KAT7: variants seen among roughly 807,000 people sequenced by gnomAD.
The protein encoded by KAT7 is histone acetyltransferase KAT7.
A neutral mutation model predicts 82.1 loss-of-function variants in KAT7; 10 were observed. The ratio of observed to expected loss-of-function variants is 0.12; its 90% CI spans 0.08 to 0.21. The LOEUF (loss-of-function observed/expected upper bound fraction) is 0.21. Ranked by LOEUF, KAT7 falls within the 10% of genes least tolerant of loss-of-function variation. The pLI is 1.00. For synonymous variants in KAT7, 250 were observed against 262.5 expected (o/e 0.95, Z 0.46); for missense variants, 378 against 760.9 (o/e 0.50, Z 5.92).
At position 49,826,390 on chromosome 17, in the gene KAT7, C is replaced by T. The variant is rs2074369109; in HGVS notation, c.1627+244C>T. ...AAAGTCAAGAAGCAAAACTTCAGATCGTTTGGTTCATCTTTCTGAGAAAGA... is the reference window on the plus strand; with the variant it reads ...AAAGTCAAGAAGCAAAACTTCAGATTGTTTGGTTCATCTTTCTGAGAAAGA... On this transcript the variant is annotated intron_variant, in intron 13 of 14. Transcript: ENST00000259021. The T allele has an allele frequency of 3.2e-5, 16 of 502,924 alleles. 1 individual carries two copies. In the South Asian group the frequency reaches 4.4e-4, roughly 14 times the overall value. The allele number at this position is 502,924 out of a possible 1,614,324, so 31.2% of individuals were successfully genotyped here. A position where few individuals can be genotyped will look rare whatever the true frequency, so the allele number is the denominator to read the frequency against.
intron 5 of KAT7, among the ~76,000 whole-genome samples, chr17:49,808,007 A>G (rs1416374999): frequency 1.3e-5 from 2 of 151,998 alleles, no homozygotes; most frequent in African/African-American, 2.4e-5. Context: ...GCAGTTGGAT[A>G]TCAGTTCCCA....
chr17:49,810,953 C>T (rs117806575), intron 6 of KAT7, among the ~76,000 whole-genome samples: 2 of 151,968 alleles, frequency 1.3e-5, no homozygotes, highest in African/African-American at 4.8e-5. Flanking sequence ...GAGCCGCGAT[C>T]GTGCCGCTGC....
At position 49,831,122 on chromosome 17, in the gene KAT7, A is replaced by G. The variant is rs909495623; in HGVS notation, c.*3620A>G. On this transcript the variant is annotated 3_prime_UTR_variant, in exon 15 of 15. Transcript: ENST00000259021. Reference sequence around the variant, plus strand: ...CATGGTGAAACCCCAGCTCTACAAAAAATAGAAAAATCAGACGTGGGCACA... The same window carrying G: ...CATGGTGAAACCCCAGCTCTACAAAGAATAGAAAAATCAGACGTGGGCACA... The G allele has an allele frequency of 1.3e-5, 2 of 152,198 alleles. No individual in the cohort carries two copies. Among genetic ancestry groups the G allele is most frequent in the African/African-American group, 4.8e-5 (2 of 41,420 alleles). The allele number at this position is 152,198 out of a possible 1,614,324, so 9.4% of individuals were successfully genotyped here. A position where few individuals can be genotyped will look rare whatever the true frequency, so the allele number is the denominator to read the frequency against.
chr17:49,822,527 G>A (rs938812802), intron 11 of KAT7, among the ~76,000 whole-genome samples: 6 of 152,168 alleles, frequency 3.9e-5, no homozygotes, highest in Admixed American at 3.9e-4. Flanking sequence ...CATTGCGCCC[G>A]GCCTAAGTCA....
intron 4 of KAT7, among the ~76,000 whole-genome samples, chr17:49,800,031 A>C (rs1205544292): frequency 2.8e-5 from 1 of 36,132 alleles, no homozygotes; most frequent in African/African-American, 9.9e-5. Flanking sequence ...TTTTTTTTTG[A>C]GACTGAGTCT....
chr17:49,801,690 A>G lies in KAT7; in HGVS notation c.580+3132A>G, dbSNP rs907337994. Among the ~76,000 whole-genome samples, 7 of 151,732 alleles carry G rather than the reference A, an allele frequency of 4.6e-5. 1 individual carries two copies. Among genetic ancestry groups the G allele is most frequent in the Non-Finnish European group, 1.0e-4 (7 of 67,934 alleles). ...TTTATTGTAGAGACAGGGTTTCACC[A>G]TGTTGCCCAGGCTGGTCTTGAACTC... On this transcript the variant is annotated intron_variant, in intron 4 of 14. Coordinates refer to ENST00000259021, the MANE Select transcript of KAT7 (RefSeq NM_007067.5).
intron 9 of KAT7, among the ~76,000 whole-genome samples, chr17:49,818,529 C>G (rs1405067573): frequency 6.6e-6 from 1 of 152,108 alleles, no homozygotes; most frequent in Non-Finnish European, 1.5e-5. Flanking sequence ...GCCTTCCCCT[C>G]TTTTTCCTAA....
At chr17:49,823,357 T>G in intron 12 of KAT7, 62 bp downstream of exon 12, 2 of 926,616 alleles carry the variant, frequency 2.2e-6, no homozygotes, top group Non-Finnish European at 3.5e-6. Context: ...ATTGTTTGTC[T>G]TTTTGTCCTG....
In KAT7 at chr17:49,834,384, A is replaced by G. The variant is rs1449929270; in HGVS notation, c.*6882A>G. ...GGCTGGTTCAAGCGGAGCTCAAGCAATCAGCCTGCCTCGGCCTCCCAAAGT... is the reference window on the plus strand; with the variant it reads ...GGCTGGTTCAAGCGGAGCTCAAGCAGTCAGCCTGCCTCGGCCTCCCAAAGT... On this transcript the variant is annotated 3_prime_UTR_variant, in exon 15 of 15. Transcript: ENST00000259021. The G allele has an allele frequency of 2.6e-5, 4 of 152,334 alleles. No individual in the cohort carries two copies. The highest frequency in any genetic ancestry group is 3.2e-3 in the Middle Eastern group (1 of 316). 9.4% of individuals were successfully genotyped at this position (152,334 alleles called of 1,614,324 possible).
chr17:49,809,056 T>A, intron 5 of KAT7, 63 bp from the exon 6 acceptor site: 1 of 1,268,946 alleles, frequency 7.9e-7, no homozygotes, highest in Non-Finnish European at 1.1e-6. Flanking sequence ...ATTGTATTCT[T>A]ATGCTTTAAG....
intron 2 of KAT7, among the ~76,000 whole-genome samples, chr17:49,795,862 A>G (rs2073949315): frequency 6.6e-6 from 1 of 152,040 alleles, no homozygotes; most frequent in Non-Finnish European, 1.5e-5. Context: ...AATCTAGTTT[A>G]TTTTACATTT....
chr17:49,798,612 G>A, intron 4 of KAT7, 54 bp downstream of exon 4: 1 of 1,530,098 alleles, frequency 6.5e-7, no homozygotes. Flanking sequence ...TCTCTCCCAG[G>A]ATCATCCAGA....
chr17:49,815,837 C>T lies in KAT7; in HGVS notation c.887C>T (p.Pro296Leu). ...CAGACCTATGGGAACACACGGGAAC[C>T]TCTTTTAGAAAACCTGACAAGCGAG... ...HRQTYGNTRE[P>L]LLENLTSEYD... Residue 296 changes from proline to leucine, a missense_variant, in exon 8 of 15, where the codon CCT (proline) becomes CTT (leucine). By Grantham distance (98) the Pro-to-Leu change is moderately conservative. Around this residue, in one of 6 missense-constraint regions of KAT7, gnomAD observed 102 missense variants for 129.8 expected, o/e 0.79. Coordinates refer to ENST00000259021, the MANE Select transcript of KAT7 (RefSeq NM_007067.5). 2 of 1,613,038 alleles carry T rather than the reference C, an allele frequency of 1.2e-6. No individual in the cohort carries two copies. The highest frequency in any genetic ancestry group is 1.7e-6 in the Non-Finnish European group (2 of 1,179,496).
At chr17:49,823,162 A>C (rs1273693529) in intron 11 of KAT7, 40 bp from the exon 12 acceptor site, 1 of 1,177,924 alleles carries the variant, frequency 8.5e-7, no homozygotes, top group Non-Finnish European at 1.3e-6. Context: ...TTTGGTTTCA[A>C]ATCCTCATGA....
chr17:49,796,717 T>A, intron 2 of KAT7, 33 bp from the exon 3 acceptor site: 1 of 1,508,312 alleles, frequency 6.6e-7, no homozygotes, highest in East Asian at 2.3e-5. Flanking sequence ...ATTTCCATCT[T>A]TTTTCTTTAT....
chr17:49,822,951 G>A (rs1462466271), intron 11 of KAT7, among the ~76,000 whole-genome samples: 3 of 152,128 alleles, frequency 2.0e-5, no homozygotes, highest in Non-Finnish European at 4.4e-5. Context: ...GCCCTACTCT[G>A]TGGCTGTCAG....
rs545877135 is a variant in KAT7, at chr17:49,797,603, G to T, written c.340+677G>T. The stretch of plus-strand genomic sequence containing the variant: ...CTACTTCTAGCTGTCCGCATGGTTG[G>T]TTGGTTTGCTTGCACAGTGTTTAAA... On this transcript the variant is annotated intron_variant, in intron 3 of 14. Coordinates refer to ENST00000259021, the MANE Select transcript of KAT7 (RefSeq NM_007067.5). 9.8e-5 allele frequency among the ~76,000 whole-genome samples: 15 copies of T among 152,338 alleles called. No homozygotes were observed. In the East Asian group the frequency reaches 2.9e-3, roughly 29 times the overall value.
At chr17:49,811,607 ACTC>A (rs1567857751) in intron 7 of KAT7, 33 bp downstream of exon 7, 2 of 1,080,308 alleles carry the variant, frequency 1.9e-6, no homozygotes, top group South Asian at 2.0e-5. Context: ...ATGAGCATGA[ACTC>A]CTGCTATCAC....
At position 49,827,430 on chromosome 17, in the gene KAT7, G is replaced by A; in HGVS notation, c.1764G>A (p.Glu588=). The change falls in exon 15 of 15, where the codon GAG becomes GAA. Residue 588 remains glutamate, a synonymous_variant. Coordinates refer to ENST00000259021, the MANE Select transcript of KAT7 (RefSeq NM_007067.5). ...QDLIDEWIAK[E]AKRSNSNKTM... ...TGATTGATGAGTGGATAGCCAAAGA[G>A]GCCAAAAGGTCCAACTCCAATAAAA... 2 of 1,613,408 alleles carry A rather than the reference G, an allele frequency of 1.2e-6. No homozygotes were observed. The highest frequency in any genetic ancestry group is 3.3e-5 in the Admixed American group (2 of 60,014).
Sources: allele counts gnomAD v4.1 joint callset (sites outside exome capture counted in the v4.1 genomes callset), GRCh38; gene constraint gnomAD v4.1.1; regional missense constraint gnomAD v4.1.1; transcripts MANE v1.5; gene names NCBI Gene and HGNC (gene_info 2026-07-23, HGNC 2026-07-21).